LRMDA: variants seen among roughly 807,000 people sequenced by gnomAD.
LRMDA encodes leucine rich melanocyte differentiation associated.
In LRMDA, 18 loss-of-function variants were observed where a neutral mutation model predicts 29.8. The observed-to-expected ratio is 0.60, with a 90% CI of 0.42 to 0.90. The LOEUF (loss-of-function observed/expected upper bound fraction) is 0.90. Among genes scored for constraint, LRMDA ranks in the 40% least tolerant of loss-of-function variants. LRMDA has a pLI of 0.00. For missense variants in LRMDA, 273 were observed against 273.9 expected (o/e 1.00, Z 0.02); for synonymous variants, 125 against 109.4 (o/e 1.14, Z -0.89).
chr10:75,981,930 A>C (rs913927815), intron 2 of LRMDA, among the ~76,000 whole-genome samples: 2 of 151,974 alleles, frequency 1.3e-5, no homozygotes, highest in Non-Finnish European at 2.9e-5. Flanking sequence ...TTCATACACC[A>C]GGTACAGCTG....
chr10:76,098,662 C>T (rs929413813), intron 5 of LRMDA, among the ~76,000 whole-genome samples: 5 of 151,934 alleles, frequency 3.3e-5, no homozygotes, highest in Admixed American at 6.6e-5. Flanking sequence ...CTAATGTAAC[C>T]GCCCAGCAGG....
chr10:76,180,379 A>G (rs1234573183), intron 5 of LRMDA, among the ~76,000 whole-genome samples: 1 of 148,040 alleles, frequency 6.8e-6, no homozygotes, highest in African/African-American at 2.5e-5. Flanking sequence ...TCCCAGGTTC[A>G]AACAATTTTC....
intron 2 of LRMDA, among the ~76,000 whole-genome samples, chr10:75,692,564 CGTGTGTGTGTGTGTGTGTGTGTGTGTGT>C (rs10553888): frequency 1.4e-5 from 2 of 140,180 alleles, no homozygotes; most frequent in East Asian, 4.2e-4. Context: ...CATATGTATA[CGTGTGTGTGTGTGTGTGTGTGTGTGTGT>C]GTGTGTGTGT....
intron 2 of LRMDA, among the ~76,000 whole-genome samples, chr10:75,952,651 C>T (rs73275025): frequency 1.3e-5 from 2 of 152,136 alleles, no homozygotes; most frequent in Non-Finnish European, 2.9e-5. Context: ...GATTCTAATG[C>T]GGATGCCATC....
intron 2 of LRMDA, among the ~76,000 whole-genome samples, chr10:75,768,023 G>A (rs756690460): frequency 3.4e-4 from 52 of 152,342 alleles, no homozygotes; most frequent in Admixed American, 1.2e-3. Context: ...AAAGGCAAGG[G>A]TCAGATTGTC....
At chr10:76,023,382 C>A (rs1038175965) in intron 2 of LRMDA, among the ~76,000 whole-genome samples, 2 of 152,138 alleles carry the variant, frequency 1.3e-5, no homozygotes, top group African/African-American at 4.8e-5. Context: ...TCCCCCAGAT[C>A]GTTTTTATTA....
At chr10:76,295,564 A>C (rs541682726) in intron 5 of LRMDA, among the ~76,000 whole-genome samples, 7 of 152,288 alleles carry the variant, frequency 4.6e-5, no homozygotes, top group Admixed American at 2.6e-4. Context: ...TGCTGCCGCC[A>C]CCTCTTTGGG....
Position 75,599,420 on chromosome 10 carries a change from A to C in LRMDA, c.131+160926A>C, listed in dbSNP as rs1263768913. Among the ~76,000 whole-genome samples the C allele has an allele frequency of 2.0e-5, 3 of 152,226 alleles. 1 individual carries two copies. The highest frequency in any genetic ancestry group is 6.5e-5 in the Admixed American group (1 of 15,286). On this transcript the variant is annotated intron_variant, in intron 2 of 6. Coordinates refer to ENST00000611255, the MANE Select transcript of LRMDA (RefSeq NM_001305581.2). ...CTGGTTCTGACCGTCATTCGGATCA[A>C]ACAGCCGCCAAGCTGGTGAGGGCTT... is the stretch of plus-strand genomic sequence containing the variant.
At chr10:76,504,997 G>A (rs144232369) in intron 6 of LRMDA, among the ~76,000 whole-genome samples, 1 of 151,984 alleles carries the variant, frequency 6.6e-6, no homozygotes, top group African/African-American at 2.4e-5. Context: ...TGGTCTAGTG[G>A]TAATAAATTC....
intron 6 of LRMDA, among the ~76,000 whole-genome samples, chr10:76,403,610 C>A (rs964143813): frequency 6.6e-6 from 1 of 152,084 alleles, no homozygotes; most frequent in Non-Finnish European, 1.5e-5. Flanking sequence ...AATTATTAAT[C>A]TTCAGAGATA....
At chr10:75,736,616 A>G (rs1320573809) in intron 2 of LRMDA, among the ~76,000 whole-genome samples, 1 of 152,230 alleles carries the variant, frequency 6.6e-6, no homozygotes, top group Non-Finnish European at 1.5e-5. Context: ...CTCTTGCCAG[A>G]CTTAGAAATA....
chr10:75,999,119 T>C (rs1198856072), intron 2 of LRMDA, among the ~76,000 whole-genome samples: 1 of 152,220 alleles, frequency 6.6e-6, no homozygotes. Flanking sequence ...AAATAGCATG[T>C]CACACAGCTG....
At chr10:76,543,316 CTGTGTGTGTGTGTGTGTGTG>C (rs71028203) in intron 6 of LRMDA, among the ~76,000 whole-genome samples, 7,723 of 144,042 alleles carry the variant, frequency 0.054, 239 homozygotes, top group African/African-American at 0.085. Context: ...TGGGGTGTGC[CTGTGTGTGTGTGTGTGTGTG>C]TGTGTGTGTG....
intron 2 of LRMDA, among the ~76,000 whole-genome samples, chr10:75,482,176 G>A (rs909567965): frequency 2.0e-5 from 3 of 152,164 alleles, no homozygotes; most frequent in African/African-American, 7.2e-5. Flanking sequence ...GCTCAGGCCA[G>A]GGAAGCATAG....
At chr10:75,736,373 C>T (rs1276495415) in intron 2 of LRMDA, among the ~76,000 whole-genome samples, 2 of 152,092 alleles carry the variant, frequency 1.3e-5, no homozygotes, top group East Asian at 3.9e-4. Flanking sequence ...TGATTAGGAC[C>T]TTGGGAATTG....
chr10:75,776,723 A>G (rs2132239150), intron 2 of LRMDA, among the ~76,000 whole-genome samples: 1 of 152,346 alleles, frequency 6.6e-6, no homozygotes. Flanking sequence ...TCTTTTATGA[A>G]AACAATTTAA....
intron 6 of LRMDA, among the ~76,000 whole-genome samples, chr10:76,451,937 G>T (rs777659031): frequency 6.6e-6 from 1 of 152,140 alleles, no homozygotes; most frequent in African/African-American, 2.4e-5. Flanking sequence ...GATTACAGGC[G>T]TGAGCCACCA....
intron 6 of LRMDA, among the ~76,000 whole-genome samples, chr10:76,384,432 G>A (rs534983171): frequency 2.0e-4 from 31 of 152,250 alleles, no homozygotes; most frequent in Admixed American, 6.5e-4. Context: ...ATTTTATACC[G>A]AATGTTATAT....
chr10:76,387,888 A>C (rs767563024), intron 6 of LRMDA, among the ~76,000 whole-genome samples: 13 of 152,214 alleles, frequency 8.5e-5, no homozygotes, highest in Non-Finnish European at 1.6e-4. Flanking sequence ...AAATATCAGC[A>C]GTGGTTCTCA....
Sources: gnomAD v4.1 joint callset for allele counts (sites outside exome capture counted in the v4.1 genomes callset) on GRCh38, gnomAD v4.1.1 for gene constraint, MANE v1.5 for transcripts, NCBI Gene and HGNC (gene_info 2026-07-23, HGNC 2026-07-21) for gene names.